Variants in ATRNL1 observed in about 807,000 individuals in gnomAD.
ATRNL1 encodes the protein attractin like 1, also known as attractin-like protein 1.
In ATRNL1, 95 loss-of-function variants were observed where a neutral mutation model predicts 182.7. The ratio of observed to expected loss-of-function variants is 0.52; its 90% CI spans 0.44 to 0.62. ATRNL1 has a LOEUF of 0.62. ATRNL1 is among the 20% of genes least tolerant of loss of function. The probability of loss-of-function intolerance (pLI) is 0.00; values close to 1 mark genes in which losing one functional copy is unlikely to be tolerated. For missense variants in ATRNL1, 1,471 were observed against 1,679.5 expected (o/e 0.88, Z 2.17); for synonymous variants, 576 against 568.3 (o/e 1.01, Z -0.19).
intron 26 of ATRNL1, among the ~76,000 whole-genome samples, chr10:115,592,682 C>T (rs1000752025): frequency 6.6e-6 from 1 of 152,160 alleles, no homozygotes; most frequent in Non-Finnish European, 1.5e-5. Flanking sequence ...AACATTCATC[C>T]ATGTACATTT....
intron 6 of ATRNL1, among the ~76,000 whole-genome samples, chr10:115,164,186 T>G (rs1299256788): frequency 1.3e-5 from 2 of 152,212 alleles, no homozygotes; most frequent in Non-Finnish European, 2.9e-5. Flanking sequence ...AGTTTTCATA[T>G]GTATTACACC....
At chr10:115,577,948 TA>T (rs1286499344) in intron 26 of ATRNL1, among the ~76,000 whole-genome samples, 2 of 151,606 alleles carry the variant, frequency 1.3e-5, no homozygotes, top group African/African-American at 2.4e-5. Context: ...TCTTTAATAT[TA>T]AAAAAAATCA....
chr10:115,602,329 G>A (rs1856639423), intron 26 of ATRNL1, among the ~76,000 whole-genome samples: 1 of 152,086 alleles, frequency 6.6e-6, no homozygotes. Flanking sequence ...ACTCCAGCCT[G>A]TGCAAAAGAG....
chr10:115,336,080 A>C lies in ATRNL1; in HGVS notation c.3175+1661A>C, dbSNP rs540702215. ...ATTGTCATTATTTTATATTAGCTTT[A>C]CAAAACTGTATGGTATTACTTTGAT... On this transcript the variant is annotated intron_variant, in intron 19 of 28. Transcript: ENST00000355044. Among the ~76,000 whole-genome samples, 6 of 152,334 alleles carry C rather than the reference A, an allele frequency of 3.9e-5. No homozygotes were observed. The South Asian group carries it at 1.2e-3, about 32-fold the overall frequency.
intron 1 of ATRNL1, among the ~76,000 whole-genome samples, chr10:115,119,540 A>G (rs1357312958): frequency 3.3e-5 from 5 of 152,152 alleles, no homozygotes; most frequent in African/African-American, 1.2e-4. Flanking sequence ...TGTTTTAAAG[A>G]TTTTTAATTT....
intron 26 of ATRNL1, among the ~76,000 whole-genome samples, chr10:115,602,865 A>C (rs532652944): frequency 2.3e-4 from 33 of 146,436 alleles, no homozygotes; most frequent in African/African-American, 7.8e-4. Flanking sequence ...AAAAAAAAAA[A>C]AACATTGCAA....
chr10:115,843,176 G>A (rs1950849292), intron 27 of ATRNL1, among the ~76,000 whole-genome samples: 1 of 152,008 alleles, frequency 6.6e-6, no homozygotes, highest in South Asian at 2.1e-4. Flanking sequence ...CATGATATCT[G>A]CCTTGCAGAA....
intron 9 of ATRNL1, among the ~76,000 whole-genome samples, chr10:115,218,562 T>C (rs1329279857): frequency 6.6e-6 from 1 of 152,174 alleles, no homozygotes; most frequent in African/African-American, 2.4e-5. Flanking sequence ...TGAAATTCTT[T>C]TGTAAGCTGT....
chr10:115,493,827 A>C (rs1403753672), intron 24 of ATRNL1, among the ~76,000 whole-genome samples: 1 of 152,312 alleles, frequency 6.6e-6, no homozygotes, highest in Non-Finnish European at 1.5e-5. Context: ...GTGAAATGGT[A>C]TTATTGTAGC....
At chr10:115,906,546 C>CA (rs1411021188) in intron 28 of ATRNL1, among the ~76,000 whole-genome samples, 2 of 152,078 alleles carry the variant, frequency 1.3e-5, no homozygotes. Context: ...GGCCTACAGA[C>CA]AAAATAGGCA....
chr10:115,483,469 A>G (rs1261643421), intron 24 of ATRNL1, among the ~76,000 whole-genome samples: 2 of 151,490 alleles, frequency 1.3e-5, no homozygotes, highest in African/African-American at 4.8e-5. Flanking sequence ...AACTTTCAGC[A>G]TACATTTTAT....
intron 27 of ATRNL1, among the ~76,000 whole-genome samples, chr10:115,753,174 A>G (rs1222657185): frequency 1.3e-5 from 2 of 151,878 alleles, no homozygotes; most frequent in East Asian, 3.9e-4. Context: ...CTCTTTAACT[A>G]GAAGTCCCTT....
intron 9 of ATRNL1, among the ~76,000 whole-genome samples, chr10:115,226,695 T>C (rs1849711838): frequency 6.6e-6 from 1 of 152,226 alleles, no homozygotes; most frequent in East Asian, 1.9e-4. Flanking sequence ...AAAGCTACAG[T>C]AACCAAAACA....
rs1855381013 is a variant in ATRNL1, at chr10:115,334,380, G to C, written c.3136G>C (p.Gly1046Arg). ...TGKQCQDCMP[G>R]YYGDPTNGGQ... ...AAAGCAGTGTCAAGATTGTATGCCA[G>C]GTTATTATGGAGATCCAACCAATGG... Residue 1046 changes from glycine to arginine, a missense_variant, in exon 19 of 29, where the codon GGT becomes CGT. Coordinates refer to ENST00000355044, the MANE Select transcript of ATRNL1 (RefSeq NM_207303.4). 4 of 1,604,880 alleles carry C rather than the reference G, an allele frequency of 2.5e-6. No homozygotes were observed. The African/African-American group carries it at 4.0e-5, about 16-fold the overall frequency.
intron 17 of ATRNL1, among the ~76,000 whole-genome samples, chr10:115,302,384 C>G (rs1406102220): frequency 1.3e-5 from 2 of 152,160 alleles, no homozygotes; most frequent in African/African-American, 4.8e-5. Context: ...ATCTTTTAAT[C>G]TAGTGCAATT....
chr10:115,825,749 G>A (rs1026674594), intron 27 of ATRNL1, among the ~76,000 whole-genome samples: 2 of 152,102 alleles, frequency 1.3e-5, no homozygotes, highest in African/African-American at 4.8e-5. Flanking sequence ...TTGTGACCCA[G>A]CTTTCTGGCC....
At chr10:115,800,612 G>A (rs1326260647) in intron 27 of ATRNL1, among the ~76,000 whole-genome samples, 2 of 152,128 alleles carry the variant, frequency 1.3e-5, no homozygotes, top group Non-Finnish European at 2.9e-5. Flanking sequence ...CTCCTACCAT[G>A]ACCATTAATG....
intron 27 of ATRNL1, among the ~76,000 whole-genome samples, chr10:115,831,807 A>G (rs1473686070): frequency 6.6e-6 from 1 of 151,520 alleles, no homozygotes; most frequent in Non-Finnish European, 1.5e-5. Context: ...AGCTTTGTCA[A>G]TTGTTAGGTG....
At chr10:115,301,775 C>A in intron 16 of ATRNL1, 80 bp from the exon 17 acceptor site, 4 of 1,262,900 alleles carry the variant, frequency 3.2e-6, no homozygotes, top group African/African-American at 1.5e-5. Flanking sequence ...ATGCCCTGAA[C>A]AGCAAAGCAA....
Sources: gnomAD v4.1 joint callset for allele counts (sites outside exome capture counted in the v4.1 genomes callset) on GRCh38, gnomAD v4.1.1 for gene constraint, MANE v1.5 for transcripts, NCBI Gene and HGNC (gene_info 2026-07-23, HGNC 2026-07-21) for gene names.